Variants in FMN1 observed in about 807,000 individuals in gnomAD.
The protein encoded by FMN1 is formin-1.
FMN1 carries 110 observed loss-of-function variants against 132.4 expected under a neutral mutation model. The observed-to-expected ratio is 0.83, with a 90% CI of 0.71 to 0.97. FMN1 has a LOEUF of 0.97. Among genes scored for constraint, FMN1 ranks in the 50% least tolerant of loss-of-function variants. The pLI, the probability that FMN1 is intolerant of heterozygous loss-of-function variation, is 0.00. For missense variants in FMN1, 1,792 were observed against 1,705.3 expected (o/e 1.05, Z -0.90); for synonymous variants, 722 against 651.7 (o/e 1.11, Z -1.64).
intron 17 of FMN1, among the ~76,000 whole-genome samples, chr15:32,846,368 CT>C (rs921914495): frequency 6.6e-5 from 10 of 152,168 alleles, no homozygotes; most frequent in Admixed American, 6.5e-4. Context: ...CTATAAGGAA[CT>C]TAAATTTACA....
chr15:32,945,642 GTCA>G (rs1447510455), intron 9 of FMN1, among the ~76,000 whole-genome samples: 1 of 152,120 alleles, frequency 6.6e-6, no homozygotes, highest in Non-Finnish European at 1.5e-5. Flanking sequence ...TATCTTCAAT[GTCA>G]TCATATGTCT....
chr15:33,003,997 A>G (rs1013851591), intron 7 of FMN1, among the ~76,000 whole-genome samples: 3 of 151,836 alleles, frequency 2.0e-5, no homozygotes, highest in Non-Finnish European at 4.4e-5. Flanking sequence ...CCATACGTAC[A>G]AAGCTGAAAC....
At chr15:32,925,420 CAG>C (rs1156676957) in intron 10 of FMN1, among the ~76,000 whole-genome samples, 1 of 152,066 alleles carries the variant, frequency 6.6e-6, no homozygotes, top group African/African-American at 2.4e-5. Context: ...TTATAGAAAA[CAG>C]GGGACAGGGG....
At chr15:32,831,791 G>C (rs560642706) in intron 17 of FMN1, among the ~76,000 whole-genome samples, 1 of 151,372 alleles carries the variant, frequency 6.6e-6, no homozygotes, top group East Asian at 1.9e-4. Context: ...TGAAGAATGT[G>C]GGTGGGGATG....
At chr15:33,101,288 TTGGC>T (rs566298600) in intron 4 of FMN1, among the ~76,000 whole-genome samples, 99 of 152,102 alleles carry the variant, frequency 6.5e-4, no homozygotes, top group African/African-American at 2.3e-3. Flanking sequence ...CTGGAGGAGG[TTGGC>T]GATTTGGTAA....
At chr15:33,186,435 C>G (rs777677320) in intron 2 of FMN1, among the ~76,000 whole-genome samples, 28 of 152,006 alleles carry the variant, frequency 1.8e-4, no homozygotes, top group Non-Finnish European at 4.0e-4. Context: ...TGACTGTTCT[C>G]TAGTTTATCA....
In FMN1 at chr15:32,890,650, C is replaced by T. The variant is rs2060005319; in HGVS notation, c.3715-2358G>A. On this transcript the variant is annotated intron_variant, in intron 15 of 20. Coordinates refer to ENST00000616417, the MANE Select transcript of FMN1 (RefSeq NM_001277313.2). ...TACTGATTTGAGTTCACTGTAGATTCTGGATACTAGTCCTTTGTCAGATGT... is the reference window on the plus strand; with the variant it reads ...TACTGATTTGAGTTCACTGTAGATTTTGGATACTAGTCCTTTGTCAGATGT... Among the ~76,000 whole-genome samples the T allele has an allele frequency of 2.0e-5, 3 of 152,282 alleles. No individual in the cohort carries two copies. The South Asian group carries it at 6.2e-4, about 32-fold the overall frequency.
intron 4 of FMN1, among the ~76,000 whole-genome samples, chr15:33,120,874 G>A (rs911190252): frequency 6.6e-6 from 1 of 151,664 alleles, no homozygotes; most frequent in African/African-American, 2.4e-5. Flanking sequence ...AGCTCTCCAG[G>A]ACTCTTTCTT....
At chr15:32,954,014 C>A (rs1450326275) in intron 9 of FMN1, among the ~76,000 whole-genome samples, 4 of 152,190 alleles carry the variant, frequency 2.6e-5, no homozygotes, top group Admixed American at 6.5e-5. Flanking sequence ...CAAATTTTCA[C>A]TCCAGATGCC....
rs150244920 is a variant in FMN1 at position 33,113,687 on chromosome 15, C to A, written c.1868-24713G>T. 4.3e-3 allele frequency among the ~76,000 whole-genome samples: 655 copies of A among 152,220 alleles called. 5 individuals are homozygous for A. The highest frequency in any genetic ancestry group is 0.014 in the Admixed American group (217 of 15,290). ...ACCACCCACCTTCTGTTACTTCTCC[C>A]CCTTCTAGACAGGGGCCCCACGTTG... On this transcript the variant is annotated intron_variant, in intron 4 of 20. Transcript: ENST00000616417.
chr15:32,786,852 C>T (rs899051689), intron 19 of FMN1, among the ~76,000 whole-genome samples: 4 of 152,216 alleles, frequency 2.6e-5, no homozygotes, highest in African/African-American at 9.6e-5. Context: ...AAGTAAGGCT[C>T]TGTCCACTCT....
Position 32,830,785 on chromosome 15 carries a change from A to G in FMN1, c.3928+26230T>C, listed in dbSNP as rs1047230785. Among the ~76,000 whole-genome samples the G allele has an allele frequency of 2.0e-5, 3 of 152,294 alleles. No homozygotes were observed. The East Asian group carries it at 5.8e-4, about 29-fold the overall frequency. ...CTGTCCGAGGAGACGTCATCATGTG[A>G]ACTCACATATGAAGAAAGGTGGAAA... On this transcript the variant is annotated intron_variant, in intron 17 of 20. Coordinates refer to ENST00000616417, the MANE Select transcript of FMN1 (RefSeq NM_001277313.2).
intron 7 of FMN1, among the ~76,000 whole-genome samples, chr15:33,001,736 T>C (rs1391935876): frequency 6.8e-6 from 1 of 148,042 alleles, no homozygotes; most frequent in Admixed American, 6.8e-5. Context: ...CTCTTCTTTT[T>C]TGATACAAAG....
chr15:33,076,080 G>A (rs898612048), intron 5 of FMN1, among the ~76,000 whole-genome samples: 4 of 152,284 alleles, frequency 2.6e-5, no homozygotes, highest in East Asian at 3.9e-4. Context: ...TAAAAGGGGA[G>A]AGAAAGGCTG....
intron 16 of FMN1, among the ~76,000 whole-genome samples, chr15:32,885,372 T>C (rs141629097): frequency 1.8e-4 from 28 of 152,324 alleles, no homozygotes; most frequent in African/African-American, 6.5e-4. Flanking sequence ...GCCAAAACTT[T>C]CTGTCTGATC....
rs562269394 is a variant in FMN1, at chr15:32,961,333, G to A, written c.3138+2774C>T. ...GTTTTTAGTAGAGACGGGGTTTCCC[G>A]AAATTGGCCAGGCTGGTGTCGAACT... On this transcript the variant is annotated intron_variant, in intron 9 of 20. Transcript: ENST00000616417. 6.6e-5 allele frequency among the ~76,000 whole-genome samples: 10 copies of A among 151,926 alleles called. 1 individual carries two copies. The South Asian group carries it at 8.3e-4, about 13-fold the overall frequency.
intron 17 of FMN1, among the ~76,000 whole-genome samples, chr15:32,810,163 T>C (rs1289620922): frequency 2.0e-5 from 3 of 152,112 alleles, no homozygotes; most frequent in East Asian, 1.9e-4. Flanking sequence ...GTGATCCATC[T>C]GCCTCAGCCT....
At chr15:33,012,045 A>C (rs1264919679) in intron 6 of FMN1, 1 of 314,476 alleles carries the variant, frequency 3.2e-6, no homozygotes, top group South Asian at 3.8e-5. Context: ...TACATAAGTA[A>C]CAAAACTATG....
At chr15:32,883,166 G>GAC (rs1235075315) in intron 16 of FMN1, among the ~76,000 whole-genome samples, 2 of 152,074 alleles carry the variant, frequency 1.3e-5, no homozygotes, top group Non-Finnish European at 2.9e-5. Flanking sequence ...AAGAGAAAAG[G>GAC]ACATCACACA....
Sources: gnomAD v4.1 joint callset for allele counts (sites outside exome capture counted in the v4.1 genomes callset) on GRCh38, gnomAD v4.1.1 for gene constraint, MANE v1.5 for transcripts, NCBI Gene and HGNC (gene_info 2026-07-23, HGNC 2026-07-21) for gene names.